The following CREB1 variants were observed in gnomAD, a reference collection of about 807,000 sequenced individuals.
CREB1 encodes cAMP responsive element binding protein 1.
In CREB1, 2 loss-of-function variants were observed where a neutral mutation model predicts 42.0. The ratio of observed to expected loss-of-function variants is 0.05; its 90% confidence interval spans 0.02 to 0.15. CREB1 has a LOEUF of 0.15. Among genes scored for constraint, CREB1 ranks in the 10% least tolerant of loss-of-function variants. The probability of loss-of-function intolerance (pLI) is 1.00; values close to 1 mark genes in which losing one functional copy is unlikely to be tolerated. For synonymous variants in CREB1, 123 were observed against 139.9 expected (o/e 0.88, Z 0.85); for missense variants, 199 against 388.9 (o/e 0.51, Z 4.11).
chr2:207,558,357 A>G (rs1157140304), intron 2 of CREB1, among the ~76,000 whole-genome samples: 2 of 152,152 alleles, frequency 1.3e-5, no homozygotes, highest in Admixed American at 6.5e-5. Context: ...TACTTCTTGC[A>G]TTCTCTTTTT....
In CREB1 at chr2:207,598,358, T is replaced by G. The variant is rs2086512004; in HGVS notation, c.*1300T>G. On this transcript the variant is annotated 3_prime_UTR_variant, in exon 8 of 8. Transcript: ENST00000353267. ...GCTTTCCAATATGCTGTATAGCCTT[T>G]GTCATTTTATAATTTTAATTCCTGA... 1 of 183,744 alleles carries G rather than the reference T, an allele frequency of 5.4e-6. No individual in the cohort carries two copies. Among genetic ancestry groups the G allele is most frequent in the South Asian group, 2.0e-4 (1 of 5,104 alleles). 11.4% of individuals were successfully genotyped at this position (183,744 alleles called of 1,614,324 possible).
At chr2:207,577,958 G>T (rs2082659733) in intron 7 of CREB1, 1 of 367,576 alleles carries the variant, frequency 2.7e-6, no homozygotes, top group South Asian at 2.3e-5. Flanking sequence ...ATTTAAAAAT[G>T]GTTTCTTTTC....
At chr2:207,536,543 G>A (rs1465273894) in intron 1 of CREB1, among the ~76,000 whole-genome samples, 10 of 152,040 alleles carry the variant, frequency 6.6e-5, no homozygotes, top group Non-Finnish European at 1.5e-4. Flanking sequence ...CGACAAGAGC[G>A]AAACTCTGTC....
At chr2:207,561,058 T>G (rs1383451860) in intron 3 of CREB1, 1 of 1,481,308 alleles carries the variant, frequency 6.8e-7, no homozygotes, top group Non-Finnish European at 9.4e-7. Flanking sequence ...AAAAAAGACT[T>G]GAACGTTCAT....
At chr2:207,544,552 T>A (rs1574783108) in intron 1 of CREB1, among the ~76,000 whole-genome samples, 1 of 152,332 alleles carries the variant, frequency 6.6e-6, no homozygotes, top group East Asian at 1.9e-4. Flanking sequence ...AGAAAGGTTC[T>A]TTTTTATTTC....
Position 207,600,067 on chromosome 2 carries a change from TAGAA to T in CREB1, c.*3012_*3015del, listed in dbSNP as rs2086770770. The T allele has an allele frequency of 1.6e-5, 3 of 187,012 alleles. No homozygotes were observed. Among genetic ancestry groups the T allele is most frequent in the African/African-American group, 2.3e-5 (1 of 42,764 alleles). The allele number at this position is 187,012 out of a possible 1,614,324, so 11.6% of individuals were successfully genotyped here. Reference sequence around the variant, plus strand: ...GATAATGTTTAACTGAAAAGTGGCTTAGAAAGGGCTAGATCCAATGTGTTCATTA... The same window carrying T: ...GATAATGTTTAACTGAAAAGTGGCTTAGGGCTAGATCCAATGTGTTCATTA... On this transcript the variant is annotated 3_prime_UTR_variant, in exon 8 of 8. Coordinates refer to ENST00000353267, the MANE Select transcript of CREB1 (RefSeq NM_004379.5).
In CREB1 at chr2:207,567,513, A is replaced by G; in HGVS notation, c.312A>G (p.Val104=). The change falls in exon 4 of 8, where the codon GTA becomes GTG. Residue 104 remains valine (V), a synonymous_variant. Coordinates refer to ENST00000353267, the MANE Select transcript of CREB1 (RefSeq NM_004379.5). The part of the protein sequence containing the change: ...SEDSQESVDS[V]TDSQKRREIL... ...ATTCACAGGAGTCAGTGGATAGTGTAACTGATTCCCAAAAGCGAAGGGAAA... is the reference window on the plus strand; with the variant it reads ...ATTCACAGGAGTCAGTGGATAGTGTGACTGATTCCCAAAAGCGAAGGGAAA... 6.2e-7 allele frequency: 1 copy of G among 1,612,750 alleles called. No individual in the cohort carries two copies. Among genetic ancestry groups the G allele is most frequent in the Non-Finnish European group, 8.5e-7 (1 of 1,179,066 alleles).
rs1042415763 is a variant in CREB1 at position 207,601,210 on chromosome 2, G to A, written c.*4152G>A. 2 of 185,114 alleles carry A rather than the reference G, an allele frequency of 1.1e-5. No individual in the cohort carries two copies. Among genetic ancestry groups the A allele is most frequent in the African/African-American group, 4.7e-5 (2 of 42,650 alleles). 11.5% of individuals were successfully genotyped at this position (185,114 alleles called of 1,614,324 possible). ...CAATAGAAAAGTTGTATATTTATTTGGATTATATTTACATTCTGTCCTTTG... is the reference window on the plus strand; with the variant it reads ...CAATAGAAAAGTTGTATATTTATTTAGATTATATTTACATTCTGTCCTTTG... On this transcript the variant is annotated 3_prime_UTR_variant, in exon 8 of 8. Transcript: ENST00000353267.
intron 1 of CREB1, among the ~76,000 whole-genome samples, chr2:207,536,822 T>G (rs1361032956): frequency 1.3e-5 from 2 of 151,872 alleles, no homozygotes; most frequent in Non-Finnish European, 2.9e-5. Context: ...AAACCCCATC[T>G]CTACTAAAAA....
intron 7 of CREB1, among the ~76,000 whole-genome samples, chr2:207,596,072 G>A (rs1165339564): frequency 2.6e-5 from 4 of 152,108 alleles, no homozygotes; most frequent in Non-Finnish European, 5.9e-5. Context: ...GTCAGAGAGT[G>A]TTTTCTTCTA....
chr2:207,561,295 G>C, intron 3 of CREB1: 1 of 723,130 alleles, frequency 1.4e-6, no homozygotes, highest in Non-Finnish European at 2.3e-6. Context: ...AGATCTTCTG[G>C]GTCTAGGCCA....
At chr2:207,556,997 C>T (rs1278476644) in intron 2 of CREB1, among the ~76,000 whole-genome samples, 1 of 152,066 alleles carries the variant, frequency 6.6e-6, no homozygotes, top group Non-Finnish European at 1.5e-5. Context: ...ATTAACCAGG[C>T]GTGGTAGCAC....
At chr2:207,551,206 T>C (rs934839364) in intron 1 of CREB1, among the ~76,000 whole-genome samples, 1 of 152,220 alleles carries the variant, frequency 6.6e-6, no homozygotes. Context: ...TTTTAAATGC[T>C]GAGGAAGCAC....
chr2:207,561,606 G>T (rs998686126), intron 3 of CREB1, among the ~76,000 whole-genome samples: 1 of 151,656 alleles, frequency 6.6e-6, no homozygotes, highest in Non-Finnish European at 1.5e-5. Flanking sequence ...CCCATCCCCC[G>T]CACCCTTCCT....
intron 1 of CREB1, among the ~76,000 whole-genome samples, chr2:207,536,256 AG>A (rs1272497310): frequency 6.6e-6 from 1 of 152,238 alleles, no homozygotes; most frequent in Non-Finnish European, 1.5e-5. Flanking sequence ...AACATCATTA[AG>A]TAAAGCTGTC....
intron 7 of CREB1, among the ~76,000 whole-genome samples, chr2:207,588,623 T>C (rs1170030235): frequency 6.6e-6 from 1 of 152,172 alleles, no homozygotes; most frequent in East Asian, 1.9e-4. Flanking sequence ...AGTCACATCT[T>C]AGCAATACTT....
intron 1 of CREB1, among the ~76,000 whole-genome samples, chr2:207,552,282 G>T (rs1480641038): frequency 6.6e-6 from 1 of 151,962 alleles, no homozygotes; most frequent in East Asian, 1.9e-4. Context: ...TTATTGTAAT[G>T]GAGTAATATT....
intron 7 of CREB1, among the ~76,000 whole-genome samples, chr2:207,595,677 A>G (rs960912121): frequency 1.3e-5 from 2 of 150,994 alleles, no homozygotes; most frequent in African/African-American, 4.9e-5. Context: ...CAGTCCTCCC[A>G]CCTCAGCTTC....
intron 7 of CREB1, among the ~76,000 whole-genome samples, chr2:207,580,057 C>T (rs913304452): frequency 1.6e-4 from 24 of 152,054 alleles, no homozygotes; most frequent in African/African-American, 5.3e-4. Context: ...ACCTTTCTGC[C>T]GAGTGCTATT....
Sources: gnomAD v4.1 joint callset for allele counts (sites outside exome capture counted in the v4.1 genomes callset) on GRCh38, gnomAD v4.1.1 for gene constraint, MANE v1.5 for transcripts, NCBI Gene and HGNC (gene_info 2026-07-23, HGNC 2026-07-21) for gene names.